ARMC9: variants seen among roughly 807,000 people sequenced by gnomAD.
The protein encoded by ARMC9 is armadillo repeat containing 9.
A neutral mutation model predicts 107.0 loss-of-function variants in ARMC9; 94 were observed. The ratio of observed to expected loss-of-function variants is 0.88; its 90% confidence interval spans 0.74 to 1.04. ARMC9 has a LOEUF of 1.04. Ranked by LOEUF, ARMC9 falls within the 50% of genes least tolerant of loss-of-function variation. ARMC9 has a pLI of 0.00. For missense variants in ARMC9, 942 were observed against 1,030.1 expected (o/e 0.91, Z 1.17); for synonymous variants, 380 against 396.9 (o/e 0.96, Z 0.51).
intron 20 of ARMC9, among the ~76,000 whole-genome samples, chr2:231,341,675 T>C (rs554111244): frequency 1.1e-3 from 168 of 150,048 alleles, no homozygotes; most frequent in African/African-American, 4.1e-3. Flanking sequence ...GATAGATAGA[T>C]AGAGTATACC....
At chr2:231,223,269 T>C (rs938795452) in intron 6 of ARMC9, among the ~76,000 whole-genome samples, 4 of 152,222 alleles carry the variant, frequency 2.6e-5, no homozygotes, top group Non-Finnish European at 5.9e-5. Flanking sequence ...AATCTACCCA[T>C]GGTAAGTGTA....
chr2:231,272,147 A>G (rs1423895115), intron 13 of ARMC9, among the ~76,000 whole-genome samples: 1 of 150,582 alleles, frequency 6.6e-6, no homozygotes, highest in African/African-American at 2.5e-5. Context: ...AATAAGTTTT[A>G]ATAAGTTTTG....
rs2036128689 is a variant in ARMC9 at position 231,239,943 on chromosome 2, A to C, written c.781A>C (p.Ile261Leu). Residue 261 changes from isoleucine to leucine, a missense_variant and splice_region_variant, in exon 9 of 25, where the codon ATC becomes CTC. Transcript: ENST00000611582. ...SLEATVSGKM[I>L]TPEYLQSVCV... is the part of the protein sequence containing the mutation. ...AGATGTCTTTGTATCCTCCTTGCAGATCACCCCTGAGTACCTCCAGAGCGT... is the reference window on the plus strand; with the variant it reads ...AGATGTCTTTGTATCCTCCTTGCAGCTCACCCCTGAGTACCTCCAGAGCGT... 3 of 1,613,458 alleles carry C rather than the reference A, an allele frequency of 1.9e-6. No individual in the cohort carries two copies. In the South Asian group the frequency reaches 3.3e-5, roughly 18 times the overall value.
At chr2:231,286,109 T>C (rs1347100013) in intron 17 of ARMC9, among the ~76,000 whole-genome samples, 1 of 152,078 alleles carries the variant, frequency 6.6e-6, no homozygotes, top group African/African-American at 2.4e-5. Flanking sequence ...CTGCTGGTAT[T>C]TGGTTTTTAT....
rs1242029507 is a variant in ARMC9 at position 231,372,688 on chromosome 2, C to A, written c.*1153C>A. Reference sequence around the variant, plus strand: ...AGCTCTAAAATCAAATAAAACCCATCAGTATTTAGTGGTGTGTGTGTGTGT... The same window carrying A: ...AGCTCTAAAATCAAATAAAACCCATAAGTATTTAGTGGTGTGTGTGTGTGT... On this transcript the variant is annotated 3_prime_UTR_variant, in exon 25 of 25. Transcript: ENST00000611582. 1.3e-5 allele frequency: 2 copies of A among 148,572 alleles called. No individual in the cohort carries two copies. The highest frequency in any genetic ancestry group is 2.9e-5 in the Non-Finnish European group (2 of 68,438). 9.2% of individuals were successfully genotyped at this position (148,572 alleles called of 1,614,324 possible).
At chr2:231,322,788 A>G (rs2043070180) in intron 19 of ARMC9, among the ~76,000 whole-genome samples, 1 of 152,234 alleles carries the variant, frequency 6.6e-6, no homozygotes, top group African/African-American at 2.4e-5. Flanking sequence ...GCTCTGGTAC[A>G]TAAAGACCAG....
chr2:231,262,448 A>AGACAGAGAGAGAGAGAGAGAGAG, intron 12 of ARMC9, 50 bp downstream of exon 12: 1 of 1,512,162 alleles, frequency 6.6e-7, no homozygotes, highest in Non-Finnish European at 9.2e-7. Flanking sequence ...AATTCTAGGG[A>AGACAGAGAGAGAGAGAGAGAGAG]ATGATCTTAG....
chr2:231,275,016 T>C (rs1172859974), intron 14 of ARMC9, among the ~76,000 whole-genome samples: 2 of 152,164 alleles, frequency 1.3e-5, no homozygotes. Context: ...AAGTAACAGA[T>C]ACAAGATATG....
At chr2:231,217,857 T>A (rs1042804674) in intron 5 of ARMC9, among the ~76,000 whole-genome samples, 5 of 152,152 alleles carry the variant, frequency 3.3e-5, no homozygotes, top group Admixed American at 2.6e-4. Context: ...CACACCTGGC[T>A]AATTGTTGTA....
chr2:231,309,822 A>G (rs2042237086), intron 19 of ARMC9, among the ~76,000 whole-genome samples: 1 of 152,168 alleles, frequency 6.6e-6, no homozygotes, highest in South Asian at 2.1e-4. Flanking sequence ...GGAAAATCCA[A>G]CTAATTATTT....
At chr2:231,337,830 T>C (rs2044236761) in intron 20 of ARMC9, among the ~76,000 whole-genome samples, 1 of 152,230 alleles carries the variant, frequency 6.6e-6, no homozygotes, top group Non-Finnish European at 1.5e-5. Flanking sequence ...TTTCTTATTC[T>C]TTTTTCTAAT....
intron 14 of ARMC9, among the ~76,000 whole-genome samples, chr2:231,274,439 C>T (rs780574837): frequency 1.3e-5 from 2 of 152,136 alleles, no homozygotes; most frequent in African/African-American, 2.4e-5. Context: ...GTTTGTCCTT[C>T]AGTTGATTGG....
chr2:231,260,945 C>T (rs1023855149), intron 11 of ARMC9, among the ~76,000 whole-genome samples: 2 of 152,152 alleles, frequency 1.3e-5, no homozygotes, highest in African/African-American at 4.8e-5. Context: ...CCTCAGTGAA[C>T]TCAACGGAAG....
chr2:231,252,351 G>A lies in ARMC9; in HGVS notation c.880-4235G>A, dbSNP rs373888758. 3.3e-5 allele frequency among the ~76,000 whole-genome samples: 5 copies of A among 152,262 alleles called. No homozygotes were observed. In the East Asian group the frequency reaches 5.8e-4, roughly 18 times the overall value. On this transcript the variant is annotated intron_variant, in intron 9 of 24. Transcript: ENST00000611582. ...TGCAACCTCTGCCTCACTGATTCAA[G>A]CAATTCTCCTTCCGCAGCCTCCCAA...
chr2:231,351,326 G>A (rs1269815603), intron 21 of ARMC9, among the ~76,000 whole-genome samples: 1 of 151,900 alleles, frequency 6.6e-6, no homozygotes, highest in Admixed American at 6.6e-5. Context: ...AGAGAACCTG[G>A]ATCTGCAGCA....
chr2:231,247,368 C>T (rs1481618109), intron 9 of ARMC9, among the ~76,000 whole-genome samples: 1 of 152,236 alleles, frequency 6.6e-6, no homozygotes, highest in Admixed American at 6.5e-5. Flanking sequence ...TCCACCTCAG[C>T]CATCTTTGTC....
intron 19 of ARMC9, among the ~76,000 whole-genome samples, chr2:231,309,619 C>G (rs1160718554): frequency 1.3e-5 from 2 of 152,092 alleles, no homozygotes; most frequent in Admixed American, 6.5e-5. Context: ...ATGTGTATGG[C>G]CTGCTGTTCC....
intron 21 of ARMC9, among the ~76,000 whole-genome samples, chr2:231,346,126 T>C (rs550936273): frequency 4.6e-5 from 7 of 152,370 alleles, no homozygotes; most frequent in African/African-American, 1.7e-4. Flanking sequence ...CTTATATTTC[T>C]AGGTGTTTAT....
At position 231,358,710 on chromosome 2, in the gene ARMC9, A is replaced by G. The variant is rs142801035; in HGVS notation, c.2132-2044A>G. On this transcript the variant is annotated intron_variant, in intron 22 of 24. Transcript: ENST00000611582. The surrounding 1 kb of genome is among the most constrained non-coding windows in gnomAD (Gnocchi z 4.5). ...TCAGTCAGCACCGCAGGGAAAACTC[A>G]TGAGGAGGAACCTGTTGGACCCTCA... Among the ~76,000 whole-genome samples the G allele has an allele frequency of 2.0e-5, 3 of 152,326 alleles. No individual in the cohort carries two copies. Among genetic ancestry groups the G allele is most frequent in the Non-Finnish European group, 4.4e-5 (3 of 68,032 alleles).
Sources: gnomAD v4.1 joint callset for allele counts (sites outside exome capture counted in the v4.1 genomes callset) on GRCh38, gnomAD v4.1.1 for gene constraint, Gnocchi (gnomAD v3.1) non-coding constraint, MANE v1.5 for transcripts, NCBI Gene and HGNC (gene_info 2026-07-23, HGNC 2026-07-21) for gene names.